Variants in DLGAP2 observed in about 807,000 individuals in gnomAD.
DLGAP2 encodes DLG associated protein 2.
In DLGAP2, 26 loss-of-function variants were observed where a neutral mutation model predicts 100.3. That is an observed-to-expected ratio of 0.26 (90% CI 0.19 to 0.36). The LOEUF (loss-of-function observed/expected upper bound fraction) is 0.36, where lower values mean the gene tolerates loss of function less well. Ranked by LOEUF, DLGAP2 falls within the 10% of genes least tolerant of loss-of-function variation. The probability of loss-of-function intolerance (pLI) is 1.00; values close to 1 mark genes in which losing one functional copy is unlikely to be tolerated. For missense variants in DLGAP2, 1,858 were observed against 1,453.2 expected (o/e 1.28, Z -4.53); for synonymous variants, 886 against 630.1 (o/e 1.41, Z -6.08).
chr8:1,187,579 C>T (rs1300650509), intron 2 of DLGAP2, among the ~76,000 whole-genome samples: 16 of 149,020 alleles, frequency 1.1e-4, no homozygotes, highest in South Asian at 4.3e-4. Context: ...CTCGCACGCC[C>T]GGGACCTCCG....
chr8:1,696,884 C>G (rs765541555), intron 13 of DLGAP2, among the ~76,000 whole-genome samples: 3 of 152,228 alleles, frequency 2.0e-5, no homozygotes, highest in Non-Finnish European at 2.9e-5. Context: ...CATTTAGAAA[C>G]TCTCCCATCT....
chr8:1,249,790 T>G (rs1303563264), intron 2 of DLGAP2, among the ~76,000 whole-genome samples: 3 of 152,218 alleles, frequency 2.0e-5, no homozygotes, highest in African/African-American at 7.2e-5. Context: ...TTCTTAACCC[T>G]CGGTGCACAT....
intron 3 of DLGAP2, among the ~76,000 whole-genome samples, chr8:1,432,062 C>T (rs1419811931): frequency 6.6e-6 from 1 of 151,910 alleles, no homozygotes; most frequent in Admixed American, 6.6e-5. Flanking sequence ...CCTGCCGGCA[C>T]CCAGCACCCC....
In DLGAP2 at chr8:1,707,479, C is replaced by T. The variant is rs949036157; in HGVS notation, c.*6073C>T. 7 of 152,196 alleles carry T rather than the reference C, an allele frequency of 4.6e-5. No homozygotes were observed. The highest frequency in any genetic ancestry group is 1.2e-4 in the African/African-American group (5 of 41,442). The allele number at this position is 152,196 out of a possible 1,614,324, so 9.4% of individuals were successfully genotyped here. A position where few individuals can be genotyped will look rare whatever the true frequency, so the allele number is the denominator to read the frequency against. On this transcript the variant is annotated 3_prime_UTR_variant, in exon 15 of 15. Transcript: ENST00000637795. ...ATACAATCATATCACTTTCAAAGGGCTCAGCACGAATGTTCCCCTCACTCC... is the reference window on the plus strand; with the variant it reads ...ATACAATCATATCACTTTCAAAGGGTTCAGCACGAATGTTCCCCTCACTCC...
At chr8:840,853 C>T (rs1023225127) in intron 1 of DLGAP2, among the ~76,000 whole-genome samples, 4 of 152,230 alleles carry the variant, frequency 2.6e-5, no homozygotes, top group Admixed American at 6.5e-5. Context: ...ATCGTGCATT[C>T]GTCTGTGTTT....
intron 2 of DLGAP2, among the ~76,000 whole-genome samples, chr8:1,060,613 G>T (rs35389636): frequency 0.29 from 43,940 of 152,088 alleles, 6,811 homozygotes; most frequent in Middle Eastern, 0.35. Flanking sequence ...AATCACATCC[G>T]TAAAGACCTC....
At chr8:1,510,594 A>G (rs887361338) in intron 4 of DLGAP2, among the ~76,000 whole-genome samples, 1 of 152,224 alleles carries the variant, frequency 6.6e-6, no homozygotes, top group East Asian at 1.9e-4. Flanking sequence ...GCCTTGGTCA[A>G]TATGCTTAAC....
chr8:766,818 T>G (rs986593550), intron 1 of DLGAP2, among the ~76,000 whole-genome samples: 2 of 152,196 alleles, frequency 1.3e-5, no homozygotes, highest in South Asian at 2.1e-4. Flanking sequence ...ATCCTGAGGC[T>G]CGGCCAAAAG....
intron 1 of DLGAP2, among the ~76,000 whole-genome samples, chr8:838,909 G>T (rs990871593): frequency 2.0e-5 from 3 of 152,190 alleles, no homozygotes; most frequent in Non-Finnish European, 4.4e-5. Context: ...CTGAAATGGC[G>T]AGGTGCTGCC....
At position 1,059,860 on chromosome 8, in the gene DLGAP2, G is replaced by T. The variant is rs1007787297; in HGVS notation, c.73+151894G>T. Reference sequence around the variant, plus strand: ...GGGACCGACCATATGGGGCAGTGCAGAGAGTCGGGGGCGGTCGCGATGCAA... The same window carrying T: ...GGGACCGACCATATGGGGCAGTGCATAGAGTCGGGGGCGGTCGCGATGCAA... On this transcript the variant is annotated intron_variant, in intron 2 of 14. Transcript: ENST00000637795. Among the ~76,000 whole-genome samples, 4 of 152,212 alleles carry T rather than the reference G, an allele frequency of 2.6e-5. No individual in the cohort carries two copies. The South Asian group carries it at 8.3e-4, about 32-fold the overall frequency.
chr8:979,380 A>G (rs766547980), intron 2 of DLGAP2, among the ~76,000 whole-genome samples: 1 of 152,356 alleles, frequency 6.6e-6, no homozygotes, highest in East Asian at 1.9e-4. Context: ...TGAACCTAAC[A>G]GCAGACATAA....
chr8:861,283 A>T (rs569951470), intron 1 of DLGAP2, among the ~76,000 whole-genome samples: 1 of 152,336 alleles, frequency 6.6e-6, no homozygotes, highest in African/African-American at 2.4e-5. Flanking sequence ...GGAGCTGCGT[A>T]GGTTAGGTAC....
intron 2 of DLGAP2, among the ~76,000 whole-genome samples, chr8:1,018,010 C>A (rs1449663894): frequency 6.6e-6 from 1 of 152,170 alleles, no homozygotes; most frequent in Non-Finnish European, 1.5e-5. Context: ...CCCACCCCAT[C>A]CCTTTGTGGA....
intron 3 of DLGAP2, among the ~76,000 whole-genome samples, chr8:1,458,355 C>G (rs921750110): frequency 6.6e-6 from 1 of 152,016 alleles, no homozygotes; most frequent in African/African-American, 2.4e-5. Context: ...AGGATAAAAC[C>G]TTTTACTGTG....
At chr8:779,537 C>G (rs963158060) in intron 1 of DLGAP2, among the ~76,000 whole-genome samples, 1 of 149,370 alleles carries the variant, frequency 6.7e-6, no homozygotes. Flanking sequence ...CATCATAGTT[C>G]ACTGCAGCGT....
intron 3 of DLGAP2, among the ~76,000 whole-genome samples, chr8:1,311,718 CTT>C (rs764579543): frequency 2.0e-5 from 3 of 150,520 alleles, no homozygotes; most frequent in African/African-American, 4.9e-5. Context: ...AAAAAAAACT[CTT>C]ATAAAATTAG....
At chr8:877,701 G>C (rs1020578104) in intron 1 of DLGAP2, among the ~76,000 whole-genome samples, 1 of 152,160 alleles carries the variant, frequency 6.6e-6, no homozygotes, top group Non-Finnish European at 1.5e-5. Flanking sequence ...CCTGTGTCTT[G>C]AATCTCTTCC....
At chr8:1,539,419 TC>T (rs1326805244) in intron 4 of DLGAP2, among the ~76,000 whole-genome samples, 1 of 151,932 alleles carries the variant, frequency 6.6e-6, no homozygotes, top group Non-Finnish European at 1.5e-5. Flanking sequence ...TGGCGACTGT[TC>T]CTATGATGGA....
At position 1,306,340 on chromosome 8, in the gene DLGAP2, C is replaced by T. The variant is rs545584999; in HGVS notation, c.106+47457C>T. On this transcript the variant is annotated intron_variant, in intron 3 of 14. Transcript: ENST00000637795. ...GGAAGTAAATAATTGCATTTATAATCGTGTCAAAAAAACCCAAAATTCTTA... is the reference window on the plus strand; with the variant it reads ...GGAAGTAAATAATTGCATTTATAATTGTGTCAAAAAAACCCAAAATTCTTA... Among the ~76,000 whole-genome samples the T allele has an allele frequency of 5.3e-5, 8 of 151,950 alleles. No individual in the cohort carries two copies. In the East Asian group the frequency reaches 5.8e-4, roughly 11 times the overall value.
Sources: allele counts gnomAD v4.1 joint callset (sites outside exome capture counted in the v4.1 genomes callset), GRCh38; gene constraint gnomAD v4.1.1; transcripts MANE v1.5; gene names NCBI Gene and HGNC (gene_info 2026-07-23, HGNC 2026-07-21).